Variants in LDLRAD4 observed in about 807,000 individuals in gnomAD.
LDLRAD4 encodes low density lipoprotein receptor class A domain containing 4, also known as low-density lipoprotein receptor class A domain-containing protein 4.
A neutral mutation model predicts 17.0 loss-of-function variants in LDLRAD4; 5 were observed. The observed-to-expected ratio is 0.29, with a 90% confidence interval of 0.15 to 0.62. LDLRAD4 has a LOEUF of 0.62. LDLRAD4 is among the 20% of genes least tolerant of loss of function. LDLRAD4 has a pLI of 0.84. For missense variants in LDLRAD4, 340 were observed against 424.7 expected (o/e 0.80, Z 1.75); for synonymous variants, 168 against 171.8 (o/e 0.98, Z 0.17).
intron 1 of LDLRAD4, among the ~76,000 whole-genome samples, chr18:13,280,865 G>C (rs1252827621): frequency 6.6e-6 from 1 of 152,162 alleles, no homozygotes; most frequent in Non-Finnish European, 1.5e-5. Context: ...AGACACACTG[G>C]AACAATGAAA....
At chr18:13,555,491 T>G (rs1284416) in intron 3 of LDLRAD4, among the ~76,000 whole-genome samples, 85,445 of 151,976 alleles carry the variant, frequency 0.56, 24,313 homozygotes, top group Admixed American at 0.58. Flanking sequence ...AAAGAGCTTA[T>G]GTTCTCTTAC....
intron 2 of LDLRAD4, among the ~76,000 whole-genome samples, chr18:13,421,840 AG>A (rs2089484950): frequency 6.6e-6 from 1 of 152,208 alleles, no homozygotes; most frequent in African/African-American, 2.4e-5. Context: ...AGTGCCAGAA[AG>A]CTAGCCTGGG....
intron 3 of LDLRAD4, among the ~76,000 whole-genome samples, chr18:13,617,379 C>T (rs1031769146): frequency 2.0e-5 from 3 of 151,880 alleles, no homozygotes; most frequent in Non-Finnish European, 4.4e-5. Flanking sequence ...TGTGTCAGAC[C>T]AAAAGAGGAA....
chr18:13,582,263 G>C (rs1388439243), intron 3 of LDLRAD4, among the ~76,000 whole-genome samples: 1 of 152,246 alleles, frequency 6.6e-6, no homozygotes, highest in Admixed American at 6.5e-5. Flanking sequence ...TGGCCTAAAA[G>C]GGCAAGAGGT....
At chr18:13,463,247 T>A (rs913448087) in intron 3 of LDLRAD4, among the ~76,000 whole-genome samples, 1 of 152,104 alleles carries the variant, frequency 6.6e-6, no homozygotes, top group Admixed American at 6.6e-5. Context: ...GCTGCCAGGC[T>A]CCCTCCCTGT....
chr18:13,441,235 G>GAAC (rs1431148081), intron 3 of LDLRAD4, among the ~76,000 whole-genome samples: 1 of 151,330 alleles, frequency 6.6e-6, no homozygotes. Flanking sequence ...TAATAGCTGT[G>GAAC]AACAAGCCTT....
At chr18:13,338,309 G>A (rs574691975) in intron 1 of LDLRAD4, among the ~76,000 whole-genome samples, 3 of 152,258 alleles carry the variant, frequency 2.0e-5, no homozygotes, top group South Asian at 4.1e-4. Context: ...TCCTCCAGTA[G>A]CACTGTTCTC....
In LDLRAD4 at chr18:13,578,827, CTTTTTTTTTTTTTTTT is replaced by C. The variant is rs1003295658; in HGVS notation, c.182-42277_182-42262del. On this transcript the variant is annotated intron_variant, in intron 3 of 5. Transcript: ENST00000359446. ...TGACCCATTTAAAAGTTGTCCGGGTCTTTTTTTTTTTTTTTTTTTTTTTTTTTTGTCAGAGATCATG... is the reference window on the plus strand; with the variant it reads ...TGACCCATTTAAAAGTTGTCCGGGTCTTTTTTTTTTTTGTCAGAGATCATG... Among the ~76,000 whole-genome samples, 22 of 65,676 alleles carry C rather than the reference CTTTTTTTTTTTTTTTT, an allele frequency of 3.3e-4. 1 individual carries two copies. Among genetic ancestry groups the C allele is most frequent in the African/African-American group, 5.6e-4 (9 of 16,142 alleles). 43.1% of individuals were successfully genotyped at this position (65,676 alleles called of 152,430 possible). A position where few individuals can be genotyped will look rare whatever the true frequency, so the allele number is the denominator to read the frequency against.
chr18:13,624,741 G>A (rs953781402), intron 4 of LDLRAD4, among the ~76,000 whole-genome samples: 1 of 152,210 alleles, frequency 6.6e-6, no homozygotes, highest in African/African-American at 2.4e-5. Flanking sequence ...CCTCCCAAGG[G>A]GCTTGGAAGG....
intron 3 of LDLRAD4, among the ~76,000 whole-genome samples, chr18:13,605,736 ACT>A (rs1457713750): frequency 6.6e-6 from 1 of 152,196 alleles, no homozygotes; most frequent in East Asian, 1.9e-4. Context: ...GAGGTTGAGT[ACT>A]GTTCTTTAAA....
chr18:13,283,671 C>CTT (rs2045426227), intron 1 of LDLRAD4, among the ~76,000 whole-genome samples: 1 of 152,188 alleles, frequency 6.6e-6, no homozygotes, highest in African/African-American at 2.4e-5. Flanking sequence ...TCTTCTGAGC[C>CTT]CTTCAAACTG....
At chr18:13,258,667 C>A (rs974778044) in intron 1 of LDLRAD4, among the ~76,000 whole-genome samples, 1 of 152,172 alleles carries the variant, frequency 6.6e-6, no homozygotes, top group Non-Finnish European at 1.5e-5. Flanking sequence ...GTTTTATGAT[C>A]TGATTGTACC....
chr18:13,493,256 C>T (rs2147135253), intron 3 of LDLRAD4, among the ~76,000 whole-genome samples: 1 of 152,298 alleles, frequency 6.6e-6, no homozygotes, highest in African/African-American at 2.4e-5. Flanking sequence ...AAGTGTATGT[C>T]CTCACCCCAA....
At chr18:13,540,856 G>A (rs1487060034) in intron 3 of LDLRAD4, among the ~76,000 whole-genome samples, 2 of 152,182 alleles carry the variant, frequency 1.3e-5, no homozygotes, top group East Asian at 1.9e-4. Context: ...TTTTCTTCCT[G>A]TCTCACTTCT....
At chr18:13,252,907 G>A (rs1238012210) in intron 1 of LDLRAD4, among the ~76,000 whole-genome samples, 1 of 152,200 alleles carries the variant, frequency 6.6e-6, no homozygotes, top group Non-Finnish European at 1.5e-5. Context: ...GCTTCTCTTT[G>A]TGTCTTGTTG....
At chr18:13,416,039 C>T (rs2145773551) in intron 2 of LDLRAD4, among the ~76,000 whole-genome samples, 1 of 152,314 alleles carries the variant, frequency 6.6e-6, no homozygotes, top group African/African-American at 2.4e-5. Flanking sequence ...CTGCAGGGCG[C>T]AGGGCTGAGG....
At chr18:13,292,135 T>C (rs1481939306) in intron 1 of LDLRAD4, among the ~76,000 whole-genome samples, 1 of 152,310 alleles carries the variant, frequency 6.6e-6, no homozygotes, top group African/African-American at 2.4e-5. Flanking sequence ...TTGCCGGCTG[T>C]CTGGCTGTGG....
At chr18:13,309,802 C>A (rs1163014631) in intron 1 of LDLRAD4, among the ~76,000 whole-genome samples, 1 of 152,056 alleles carries the variant, frequency 6.6e-6, no homozygotes, top group Non-Finnish European at 1.5e-5. Context: ...ACCAAAGACT[C>A]ACAGACACTG....
At chr18:13,410,258 G>A (rs1210878258) in intron 2 of LDLRAD4, among the ~76,000 whole-genome samples, 2 of 151,756 alleles carry the variant, frequency 1.3e-5, no homozygotes, top group African/African-American at 4.8e-5. Context: ...TAAGGAGACG[G>A]GACAAACACA....
Sources: allele counts gnomAD v4.1 joint callset (sites outside exome capture counted in the v4.1 genomes callset), GRCh38; gene constraint gnomAD v4.1.1; transcripts MANE v1.5; gene names NCBI Gene and HGNC (gene_info 2026-07-23, HGNC 2026-07-21).